MTX2: variants seen among roughly 807,000 people sequenced by gnomAD.
MTX2 encodes the protein metaxin 2, also known as metaxin-2.
In MTX2, 35 loss-of-function variants were observed where a neutral mutation model predicts 42.3. The observed-to-expected ratio is 0.83, with a 90% CI of 0.63 to 1.10. The LOEUF (loss-of-function observed/expected upper bound fraction) is 1.10, where lower values mean the gene tolerates loss of function less well. Ranked by LOEUF, MTX2 falls within the 50% of genes least tolerant of loss-of-function variation. The pLI is 0.00. For synonymous variants in MTX2, 119 were observed against 100.9 expected, an observed-to-expected ratio of 1.18 and a Z score of -1.08; for missense variants, 307 against 304.1, an observed-to-expected ratio of 1.01 and a Z score of -0.07.
chr2:176,329,919 A>G (rs1176170168), intron 8 of MTX2, among the ~76,000 whole-genome samples: 1 of 150,798 alleles, frequency 6.6e-6, no homozygotes, highest in African/African-American at 2.4e-5. Flanking sequence ...CTGTCTATCT[A>G]TCTGTCTATC....
intron 1 of MTX2, among the ~76,000 whole-genome samples, chr2:176,277,394 G>T (rs1217719307): frequency 6.6e-6 from 1 of 152,160 alleles, no homozygotes; most frequent in Non-Finnish European, 1.5e-5. Flanking sequence ...GAAATACAAT[G>T]CATTAAATTC....
At chr2:176,323,809 G>T (rs1484913899) in intron 4 of MTX2, among the ~76,000 whole-genome samples, 1 of 151,630 alleles carries the variant, frequency 6.6e-6, no homozygotes, top group Non-Finnish European at 1.5e-5. Flanking sequence ...TAGTAATAAT[G>T]AATCCATTTA....
intron 1 of MTX2, among the ~76,000 whole-genome samples, chr2:176,284,488 A>G (rs1305107037): frequency 6.6e-6 from 1 of 152,236 alleles, no homozygotes. Flanking sequence ...CTAGTCACAG[A>G]TAGATATCAC....
intron 3 of MTX2, among the ~76,000 whole-genome samples, chr2:176,306,261 A>G (rs570238798): frequency 2.6e-5 from 4 of 152,296 alleles, no homozygotes; most frequent in Non-Finnish European, 4.4e-5. Flanking sequence ...TTATGGCTGC[A>G]TAGTATTCCA....
chr2:176,287,570 T>C (rs1472561785), intron 1 of MTX2, among the ~76,000 whole-genome samples: 1 of 152,188 alleles, frequency 6.6e-6, no homozygotes, highest in African/African-American at 2.4e-5. Context: ...GAATTTTGGA[T>C]AAGGGATACT....
chr2:176,275,633 G>T (rs1692928873), intron 1 of MTX2, among the ~76,000 whole-genome samples: 1 of 152,046 alleles, frequency 6.6e-6, no homozygotes, highest in South Asian at 2.1e-4. Flanking sequence ...TTTTTTTAAT[G>T]GAGAGATTTT....
chr2:176,296,736 T>A, intron 1 of MTX2, 124 bp from the exon 2 acceptor site: 1 of 893,472 alleles, frequency 1.1e-6, no homozygotes, highest in Non-Finnish European at 1.8e-6. Context: ...TTAGTTGCCA[T>A]GTATAAGTCA....
chr2:176,301,795 A>G (rs114699030), intron 3 of MTX2, among the ~76,000 whole-genome samples: 1,524 of 152,286 alleles, frequency 0.01, 20 homozygotes, highest in African/African-American at 0.035. Flanking sequence ...TTAAGGAGTA[A>G]AAGAACATGT....
intron 4 of MTX2, 119 bp downstream of exon 4, chr2:176,323,583 C>A: frequency 1.1e-6 from 1 of 909,088 alleles, no homozygotes; most frequent in Non-Finnish European, 1.7e-6. Context: ...TTTGAAGAAT[C>A]TTTCCATGGT....
At chr2:176,295,902 AATT>A (rs1191355792) in intron 1 of MTX2, among the ~76,000 whole-genome samples, 1 of 152,194 alleles carries the variant, frequency 6.6e-6, no homozygotes, top group Non-Finnish European at 1.5e-5. Flanking sequence ...GAAATATATC[AATT>A]ATTATCAAAT....
chr2:176,302,844 T>C lies in MTX2; in HGVS notation c.135+4949T>C, dbSNP rs559624869. On this transcript the variant is annotated intron_variant, in intron 3 of 9. Transcript: ENST00000249442. The stretch of plus-strand genomic sequence containing the variant: ...ACCCTTGCATTTTCCTTTTAGCAAA[T>C]GATGCTTTCTAGAAGGATGTATTAA... 2.0e-5 allele frequency among the ~76,000 whole-genome samples: 3 copies of C among 152,182 alleles called. No individual in the cohort carries two copies. In the East Asian group the frequency reaches 5.8e-4, roughly 29 times the overall value.
At chr2:176,292,587 T>C (rs949221098) in intron 1 of MTX2, among the ~76,000 whole-genome samples, 17 of 152,166 alleles carry the variant, frequency 1.1e-4, no homozygotes, top group Non-Finnish European at 1.2e-4. Flanking sequence ...ATGTGGATAA[T>C]AATTTTCATG....
At chr2:176,286,882 C>T (rs1693217422) in intron 1 of MTX2, among the ~76,000 whole-genome samples, 1 of 152,164 alleles carries the variant, frequency 6.6e-6, no homozygotes, top group South Asian at 2.1e-4. Flanking sequence ...TGCTTACTAC[C>T]TTGTTCCAAA....
intron 5 of MTX2, among the ~76,000 whole-genome samples, chr2:176,327,281 T>G (rs1206741236): frequency 1.3e-5 from 2 of 151,170 alleles, no homozygotes; most frequent in African/African-American, 4.8e-5. Flanking sequence ...TGTTTGAAGT[T>G]GAATGTATTT....
At chr2:176,301,694 T>C (rs1163440294) in intron 3 of MTX2, among the ~76,000 whole-genome samples, 1 of 152,174 alleles carries the variant, frequency 6.6e-6, no homozygotes, top group African/African-American at 2.4e-5. Context: ...ATAACAGATA[T>C]TGAAGTTTCA....
At chr2:176,277,362 A>G (rs1558922948) in intron 1 of MTX2, among the ~76,000 whole-genome samples, 1 of 152,230 alleles carries the variant, frequency 6.6e-6, no homozygotes, top group Non-Finnish European at 1.5e-5. Context: ...TTTAATGATG[A>G]CAGTTGCAAC....
rs915119013 is a variant in MTX2 at position 176,330,035 on chromosome 2, G to T, written c.544-549G>T. Among the ~76,000 whole-genome samples the T allele has an allele frequency of 5.3e-5, 8 of 150,910 alleles. No individual in the cohort carries two copies. The South Asian group carries it at 1.7e-3, about 31-fold the overall frequency. On this transcript the variant is annotated intron_variant, in intron 8 of 9. Transcript: ENST00000249442. ...TTTTCCAAGGCTACCCTTAATACTA[G>T]CCAGCCATCTCACTGATGTGTGCCA...
chr2:176,279,361 G>C (rs1313056749), intron 1 of MTX2, among the ~76,000 whole-genome samples: 1 of 151,994 alleles, frequency 6.6e-6, no homozygotes, highest in Non-Finnish European at 1.5e-5. Context: ...AACATGAAGA[G>C]GCCATTATTA....
At chr2:176,299,105 C>G (rs1683963272) in intron 3 of MTX2, among the ~76,000 whole-genome samples, 1 of 152,054 alleles carries the variant, frequency 6.6e-6, no homozygotes, top group Non-Finnish European at 1.5e-5. Flanking sequence ...TTAGTACTCC[C>G]CCTACCACCA....
Sources: gnomAD v4.1 joint callset for allele counts (sites outside exome capture counted in the v4.1 genomes callset) on GRCh38, gnomAD v4.1.1 for gene constraint, MANE v1.5 for transcripts, NCBI Gene and HGNC (gene_info 2026-07-23, HGNC 2026-07-21) for gene names.